LIPC: variants seen among roughly 807,000 people sequenced by gnomAD.
LIPC encodes the protein hepatic triacylglycerol lipase.
In LIPC, 44 loss-of-function variants were observed where a neutral mutation model predicts 50.7. The observed-to-expected ratio is 0.87, with a 90% confidence interval of 0.68 to 1.11. LIPC has a LOEUF of 1.11. Among genes scored for constraint, LIPC ranks in the 50% most tolerant of loss-of-function variants. The probability of loss-of-function intolerance (pLI) is 0.00; values close to 1 mark genes in which losing one functional copy is unlikely to be tolerated. For synonymous variants in LIPC, 271 were observed against 256.4 expected, an observed-to-expected ratio of 1.06 and a Z score of -0.54; for missense variants, 697 against 648.2, an observed-to-expected ratio of 1.08 and a Z score of -0.82.
At chr15:58,541,621 C>T (rs1202469018) in intron 2 of LIPC, 164 bp from the exon 3 acceptor site, 2 of 726,626 alleles carry the variant, frequency 2.8e-6, no homozygotes, top group East Asian at 5.4e-5. Context: ...ATGCCCAAGA[C>T]AGCCCCCACA....
At chr15:58,565,502 T>C (rs1894336374) in intron 8 of LIPC, 1 of 1,380,140 alleles carries the variant, frequency 7.2e-7, no homozygotes, top group Non-Finnish European at 9.4e-7. Flanking sequence ...TTGAAGCAGG[T>C]GCTCCATGGC....
chr15:58,557,745 A>G (rs1354346416), intron 6 of LIPC, among the ~76,000 whole-genome samples: 2 of 152,176 alleles, frequency 1.3e-5, no homozygotes, highest in African/African-American at 4.8e-5. Flanking sequence ...CTTCCAATTA[A>G]TACATATCAT....
At chr15:58,561,328 A>G (rs1271031749) in intron 7 of LIPC, among the ~76,000 whole-genome samples, 1 of 152,176 alleles carries the variant, frequency 6.6e-6, no homozygotes, top group Non-Finnish European at 1.5e-5. Flanking sequence ...TTGGGGTTGG[A>G]GGTGCAGGGG....
intron 6 of LIPC, among the ~76,000 whole-genome samples, chr15:58,557,586 C>G (rs552062586): frequency 1.3e-3 from 201 of 151,994 alleles, no homozygotes; most frequent in African/African-American, 3.7e-3. Context: ...GGGGTTTCAC[C>G]GTGTTAGCCA....
At chr15:58,500,011 G>A (rs1247117185) in intron 1 of LIPC, among the ~76,000 whole-genome samples, 1 of 152,168 alleles carries the variant, frequency 6.6e-6, no homozygotes, top group Non-Finnish European at 1.5e-5. Context: ...GGAGTAAGGA[G>A]AGTAAGGTAT....
At chr15:58,506,099 C>CTG (rs745496574) in intron 1 of LIPC, among the ~76,000 whole-genome samples, 1 of 152,174 alleles carries the variant, frequency 6.6e-6, no homozygotes, top group Non-Finnish European at 1.5e-5. Context: ...CCCACCTAGG[C>CTG]TGTGTTTGGG....
intron 6 of LIPC, among the ~76,000 whole-genome samples, chr15:58,554,660 C>T (rs1429178167): frequency 2.0e-5 from 3 of 151,364 alleles, no homozygotes; most frequent in Admixed American, 6.6e-5. Context: ...TTTGGGAGGC[C>T]AATGCAGGAG....
At chr15:58,502,646 C>T (rs1892025120) in intron 1 of LIPC, among the ~76,000 whole-genome samples, 1 of 152,034 alleles carries the variant, frequency 6.6e-6, no homozygotes, top group Non-Finnish European at 1.5e-5. Flanking sequence ...AAGGCTCCAC[C>T]CTTTTGAGCT....
At chr15:58,462,968 C>G (rs1225345241) in intron 1 of LIPC, among the ~76,000 whole-genome samples, 3 of 152,192 alleles carry the variant, frequency 2.0e-5, no homozygotes, top group Non-Finnish European at 4.4e-5. Flanking sequence ...TAAGTGGCCC[C>G]CAGAACACTG....
Position 58,453,213 on chromosome 15 carries a change from C to A in LIPC, c.88+21093C>A, listed in dbSNP as rs768346909. Reference sequence around the variant, plus strand: ...AGATGGCTAAAACAGGCACAACCCCCACGTTGCCACACAGTCCCATAAACT... The same window carrying A: ...AGATGGCTAAAACAGGCACAACCCCAACGTTGCCACACAGTCCCATAAACT... On this transcript the variant is annotated intron_variant, in intron 1 of 8. Coordinates refer to ENST00000299022, the MANE Select transcript of LIPC (RefSeq NM_000236.3). 4.6e-5 allele frequency among the ~76,000 whole-genome samples: 7 copies of A among 152,264 alleles called. No homozygotes were observed. The East Asian group carries it at 9.7e-4, about 21-fold the overall frequency.
chr15:58,441,029 C>G (rs1893490486), intron 1 of LIPC, among the ~76,000 whole-genome samples: 1 of 152,164 alleles, frequency 6.6e-6, no homozygotes, highest in Admixed American at 6.5e-5. Context: ...AAAAGGCTGC[C>G]TTTCCCAGAT....
At chr15:58,489,876 T>C (rs1348191588) in intron 1 of LIPC, among the ~76,000 whole-genome samples, 1 of 152,150 alleles carries the variant, frequency 6.6e-6, no homozygotes, top group Non-Finnish European at 1.5e-5. Context: ...CAAAGTTAGC[T>C]TGGCCTACAC....
intron 1 of LIPC, among the ~76,000 whole-genome samples, chr15:58,442,080 C>A (rs1234615634): frequency 6.6e-6 from 1 of 152,172 alleles, no homozygotes; most frequent in Non-Finnish European, 1.5e-5. Flanking sequence ...CTCTTAATAC[C>A]TATGCCCTAG....
chr15:58,490,950 A>G (rs1354004812), intron 1 of LIPC, among the ~76,000 whole-genome samples: 1 of 152,228 alleles, frequency 6.6e-6, no homozygotes, highest in Non-Finnish European at 1.5e-5. Context: ...CTCCTAAGGA[A>G]AGAGCGAGCC....
intron 1 of LIPC, among the ~76,000 whole-genome samples, chr15:58,504,377 GC>G (rs1400178031): frequency 1.2e-4 from 18 of 152,174 alleles, no homozygotes; most frequent in African/African-American, 4.1e-4. Context: ...CAGAAAAGAT[GC>G]TTTTTGAGTC....
chr15:58,495,694 T>C (rs1344421248), intron 1 of LIPC, among the ~76,000 whole-genome samples: 1 of 152,220 alleles, frequency 6.6e-6, no homozygotes, highest in Non-Finnish European at 1.5e-5. Flanking sequence ...CCAGGATTCA[T>C]GCCCAAGCAG....
intron 1 of LIPC, among the ~76,000 whole-genome samples, chr15:58,460,014 G>A (rs542430596): frequency 5.9e-5 from 9 of 152,300 alleles, no homozygotes; most frequent in Admixed American, 2.6e-4. Context: ...GGCTCACCCT[G>A]GAGGCCCAAA....
At chr15:58,555,364 G>C (rs553930565) in intron 6 of LIPC, among the ~76,000 whole-genome samples, 54 of 152,324 alleles carry the variant, frequency 3.5e-4, no homozygotes, top group Non-Finnish European at 5.3e-4. Context: ...AGAGCTGGCA[G>C]GCAGTTTGTC....
chr15:58,483,641 T>C (rs1012362480), intron 1 of LIPC, among the ~76,000 whole-genome samples: 2 of 152,172 alleles, frequency 1.3e-5, no homozygotes, highest in African/African-American at 4.8e-5. Flanking sequence ...ACTTCATCTA[T>C]TTTCTAAGTA....
Sources: allele counts gnomAD v4.1 joint callset (sites outside exome capture counted in the v4.1 genomes callset), GRCh38; gene constraint gnomAD v4.1.1; transcripts MANE v1.5; gene names NCBI Gene and HGNC (gene_info 2026-07-23, HGNC 2026-07-21).